AGXT2: variants seen among roughly 807,000 people sequenced by gnomAD.
AGXT2 encodes alanine--glyoxylate aminotransferase 2, mitochondrial.
A neutral mutation model predicts 62.5 loss-of-function variants in AGXT2; 61 were observed. That is an observed-to-expected ratio of 0.98 (90% CI 0.79 to 1.21). AGXT2 has a LOEUF of 1.21. AGXT2 is among the 50% of genes most tolerant of loss of function. AGXT2 has a pLI of 0.00. For synonymous variants in AGXT2, 243 were observed against 218.7 expected (o/e 1.11, Z -0.98); for missense variants, 666 against 641.5 (o/e 1.04, Z -0.41).
chr5:35,013,766 G>T (rs1341843052), intron 10 of AGXT2, among the ~76,000 whole-genome samples: 1 of 138,438 alleles, frequency 7.2e-6, no homozygotes, highest in Non-Finnish European at 1.5e-5. Flanking sequence ...CTGGGTGACA[G>T]AGCAAGACTC....
intron 7 of AGXT2, among the ~76,000 whole-genome samples, chr5:35,031,292 C>T (rs1311038734): frequency 6.6e-6 from 1 of 152,160 alleles, no homozygotes. Context: ...CTTTACATTT[C>T]CTTCTGGTTT....
intron 5 of AGXT2, among the ~76,000 whole-genome samples, chr5:35,034,205 A>G (rs1469233697): frequency 6.6e-6 from 1 of 152,056 alleles, no homozygotes; most frequent in Non-Finnish European, 1.5e-5. Context: ...CATTACTTTT[A>G]ATGGCAGAAA....
chr5:35,031,889 T>G (rs1191158657), intron 7 of AGXT2, among the ~76,000 whole-genome samples: 11 of 149,114 alleles, frequency 7.4e-5, no homozygotes, highest in Non-Finnish European at 1.6e-4. Flanking sequence ...ATTTCTTGTT[T>G]TTTTTTTTTT....
At chr5:35,032,243 T>C (rs1456700375) in intron 7 of AGXT2, among the ~76,000 whole-genome samples, 1 of 152,108 alleles carries the variant, frequency 6.6e-6, no homozygotes, top group Non-Finnish European at 1.5e-5. Flanking sequence ...TCAGCCACCA[T>C]GCCCCGCCGG....
intron 9 of AGXT2, among the ~76,000 whole-genome samples, chr5:35,018,888 G>T (rs2112218325): frequency 6.9e-6 from 1 of 144,358 alleles, no homozygotes; most frequent in East Asian, 2.0e-4. Flanking sequence ...GATCTACCAA[G>T]CAAATAGAAA....
rs557021858 is a variant in AGXT2, at chr5:35,015,849, C to CAA, written c.964-1732_964-1731dup. 5.0e-3 allele frequency among the ~76,000 whole-genome samples: 347 copies of CAA among 68,884 alleles called. 4 individuals are homozygous for CAA. The highest frequency in any genetic ancestry group is 9.0e-3 in the East Asian group (17 of 1,884). 45.2% of individuals were successfully genotyped at this position (68,884 alleles called of 152,430 possible). On this transcript the variant is annotated intron_variant, in intron 9 of 13. Transcript: ENST00000231420. ...TGGGCAACAGAGTGAGACTCCATCTCAAAAAAAAAAAAAAAAAAAAAAAAG... is the reference window on the plus strand; with the variant it reads ...TGGGCAACAGAGTGAGACTCCATCTCAAAAAAAAAAAAAAAAAAAAAAAAAAG...
chr5:35,026,121 T>G (rs911477682), intron 8 of AGXT2: 9 of 594,006 alleles, frequency 1.5e-5, no homozygotes, highest in African/African-American at 3.7e-5. Flanking sequence ...AAGAAAGAGT[T>G]CTTTGGACAA....
chr5:35,021,020 T>C (rs1267215460), intron 9 of AGXT2, among the ~76,000 whole-genome samples: 1 of 152,132 alleles, frequency 6.6e-6, no homozygotes, highest in Non-Finnish European at 1.5e-5. Context: ...TTACAAGGGA[T>C]GTGAAGGACC....
At chr5:35,008,913 G>T (rs1459650165) in intron 12 of AGXT2, among the ~76,000 whole-genome samples, 1 of 152,140 alleles carries the variant, frequency 6.6e-6, no homozygotes, top group African/African-American at 2.4e-5. Flanking sequence ...TTGATTTTAT[G>T]GAGGAAAGGC....
At chr5:35,020,752 G>T (rs1333346200) in intron 9 of AGXT2, among the ~76,000 whole-genome samples, 1 of 152,114 alleles carries the variant, frequency 6.6e-6, no homozygotes, top group Non-Finnish European at 1.5e-5. Context: ...GGAAATAAAG[G>T]GTATTCAATA....
At chr5:35,016,492 C>A (rs1045982870) in intron 9 of AGXT2, among the ~76,000 whole-genome samples, 1 of 152,130 alleles carries the variant, frequency 6.6e-6, no homozygotes, top group African/African-American at 2.4e-5. Context: ...TGTAACCTGA[C>A]CAAGGATGAA....
chr5:35,009,852 C>G, intron 12 of AGXT2, 148 bp downstream of exon 12: 1 of 1,059,030 alleles, frequency 9.4e-7, no homozygotes, highest in Non-Finnish European at 1.4e-6. Flanking sequence ...ATACTCAACA[C>G]TCTCTACTAA....
Position 35,014,060 on chromosome 5 carries a change from G to A in AGXT2, c.1023C>T (p.Val341=). ...TAGCCATGGTGACAATGTCAGGCAGGACATCGTGGGTTTGGAAGCCCCAGA... is the reference window on the plus strand; with the variant it reads ...TAGCCATGGTGACAATGTCAGGCAGAACATCGTGGGTTTGGAAGCCCCAGA... ...SHFWGFQTHD[V]LPDIVTMAKG... Residue 341 remains valine (V), a synonymous_variant, in exon 10 of 14, where the codon GTC becomes GTT. Coordinates refer to ENST00000231420, the MANE Select transcript of AGXT2 (RefSeq NM_031900.4). 1.2e-6 allele frequency: 2 copies of A among 1,614,116 alleles called. No individual in the cohort carries two copies. Among genetic ancestry groups the A allele is most frequent in the Non-Finnish European group, 1.7e-6 (2 of 1,180,028 alleles).
At chr5:35,038,477 A>C (rs11952305) in intron 3 of AGXT2, among the ~76,000 whole-genome samples, 46,512 of 152,070 alleles carry the variant, frequency 0.31, 7,514 homozygotes, top group Non-Finnish European at 0.37. Flanking sequence ...GTGACTTTGC[A>C]TGGGACTAAG....
intron 12 of AGXT2, among the ~76,000 whole-genome samples, chr5:35,005,562 T>C (rs748848521): frequency 5.3e-5 from 8 of 151,884 alleles, no homozygotes; most frequent in Non-Finnish European, 7.4e-5. Flanking sequence ...TCTGTGTGGC[T>C]TCACCCCGAC....
At chr5:35,020,046 A>G (rs1166043888) in intron 9 of AGXT2, among the ~76,000 whole-genome samples, 1 of 152,234 alleles carries the variant, frequency 6.6e-6, no homozygotes, top group Non-Finnish European at 1.5e-5. Context: ...CTCTGAATAG[A>G]CCAATAACAG....
chr5:35,017,916 C>T (rs573899792), intron 9 of AGXT2, among the ~76,000 whole-genome samples: 20 of 152,026 alleles, frequency 1.3e-4, no homozygotes, highest in South Asian at 6.2e-4. Flanking sequence ...TCGAGAACTA[C>T]GTGAAGAATG....
intron 9 of AGXT2, among the ~76,000 whole-genome samples, chr5:35,020,115 A>T (rs966496933): frequency 1.3e-5 from 2 of 152,284 alleles, no homozygotes; most frequent in Non-Finnish European, 1.5e-5. Flanking sequence ...CAGGACCAGA[A>T]GGATTCACAG....
chr5:35,022,609 A>G (rs1767152597), intron 9 of AGXT2, among the ~76,000 whole-genome samples: 1 of 151,346 alleles, frequency 6.6e-6, no homozygotes, highest in Non-Finnish European at 1.5e-5. Context: ...GCATTGGGAC[A>G]TATGCCTAAT....
Sources: allele counts gnomAD v4.1 joint callset (sites outside exome capture counted in the v4.1 genomes callset), GRCh38; gene constraint gnomAD v4.1.1; transcripts MANE v1.5; gene names NCBI Gene and HGNC (gene_info 2026-07-23, HGNC 2026-07-21).